The following NAV2 variants were observed in gnomAD, a reference collection of about 807,000 sequenced individuals.
NAV2 encodes neuron navigator 2.
A neutral mutation model predicts 223.2 loss-of-function variants in NAV2; 54 were observed. That is an observed-to-expected ratio of 0.24 (90% CI 0.19 to 0.30). The LOEUF is 0.30. Among genes scored for constraint, NAV2 ranks in the 10% least tolerant of loss-of-function variants. The pLI is 1.00. For synonymous variants in NAV2, 1,279 were observed against 1,239.3 expected (o/e 1.03, Z -0.67); for missense variants, 2,806 against 3,147.5 (o/e 0.89, Z 2.60).
At chr11:19,669,459 T>C (rs2048517096) in intron 1 of NAV2, among the ~76,000 whole-genome samples, 2 of 152,258 alleles carry the variant, frequency 1.3e-5, no homozygotes, top group Non-Finnish European at 2.9e-5. Flanking sequence ...GAAGTGTGGA[T>C]GACAATAGCA....
At chr11:19,356,739 C>T (rs956370436) in intron 1 of NAV2, among the ~76,000 whole-genome samples, 16 of 152,138 alleles carry the variant, frequency 1.1e-4, no homozygotes, top group Non-Finnish European at 1.3e-4. Flanking sequence ...ATTCATGAAA[C>T]CTTAACCCCC....
chr11:19,992,039 C>CT (rs1420130236), intron 11 of NAV2, among the ~76,000 whole-genome samples: 1 of 152,224 alleles, frequency 6.6e-6, no homozygotes, highest in African/African-American at 2.4e-5. Context: ...TGAGAAGATG[C>CT]TTCCAGCACA....
At chr11:20,081,569 A>T (rs1565015223) in intron 25 of NAV2, among the ~76,000 whole-genome samples, 1 of 152,134 alleles carries the variant, frequency 6.6e-6, no homozygotes, top group Non-Finnish European at 1.5e-5. Context: ...AGAGGCAAGG[A>T]TTTCAGGTGA....
chr11:19,535,080 AT>A (rs141516208), intron 1 of NAV2, among the ~76,000 whole-genome samples: 2,364 of 152,142 alleles, frequency 0.016, 72 homozygotes, highest in African/African-American at 0.054. Flanking sequence ...GCCAGTAGAG[AT>A]TTTCCAAGCA....
chr11:19,773,627 A>C lies in NAV2; in HGVS notation c.268-58857A>C, dbSNP rs562225637. Among the ~76,000 whole-genome samples, 4 of 152,306 alleles carry C rather than the reference A, an allele frequency of 2.6e-5. No homozygotes were observed. In the East Asian group the frequency reaches 7.7e-4, roughly 29 times the overall value. ...GTGGAAGATTATGGAAATAGGAGGA[A>C]GGAGAAAGGTGGTAGGAGGGGTTTG... On this transcript the variant is annotated intron_variant, in intron 1 of 37. Transcript: ENST00000349880.
chr11:19,845,703 C>G (rs1397798262), intron 3 of NAV2, among the ~76,000 whole-genome samples: 2 of 152,212 alleles, frequency 1.3e-5, no homozygotes, highest in African/African-American at 2.4e-5. Flanking sequence ...TCCTAACCCA[C>G]TAGGCTGCCC....
At chr11:19,911,030 C>T (rs1017331810) in intron 6 of NAV2, among the ~76,000 whole-genome samples, 24 of 140,790 alleles carry the variant, frequency 1.7e-4, no homozygotes, top group Non-Finnish European at 3.1e-4. Flanking sequence ...TTTGCAAGCA[C>T]ATTTTTTTTT....
upstream of NAV2, among the ~76,000 whole-genome samples, chr11:19,349,400 A>G (rs889572781): frequency 1.3e-5 from 2 of 151,954 alleles, no homozygotes; most frequent in African/African-American, 4.8e-5. Flanking sequence ...CTGCTTTGGC[A>G]CTGAGCTGTG....
intron 4 of NAV2, among the ~76,000 whole-genome samples, chr11:19,873,162 C>T (rs1385197383): frequency 1.3e-5 from 2 of 152,206 alleles, no homozygotes; most frequent in Admixed American, 6.5e-5. Context: ...GCAAATGTTT[C>T]CTGGGCACAT....
rs139491309 is a variant in NAV2 at position 20,069,086 on chromosome 11, G to T, written c.4983+688G>T. ...TCACTCTTGGTGGGGGATGAAAAAGGGGACAGCTCATCTGATATTGAAAAT... is the reference window on the plus strand; with the variant it reads ...TCACTCTTGGTGGGGGATGAAAAAGTGGACAGCTCATCTGATATTGAAAAT... On this transcript the variant is annotated intron_variant, in intron 22 of 37. Coordinates refer to ENST00000349880, the MANE Select transcript of NAV2 (RefSeq NM_145117.5). Among the ~76,000 whole-genome samples the T allele has an allele frequency of 2.7e-3, 411 of 152,112 alleles. 1 individual carries two copies. Among genetic ancestry groups the T allele is most frequent in the African/African-American group, 9.5e-3 (394 of 41,504 alleles).
intron 1 of NAV2, among the ~76,000 whole-genome samples, chr11:19,812,810 G>T (rs779405895): frequency 6.6e-6 from 1 of 152,004 alleles, no homozygotes; most frequent in Non-Finnish European, 1.5e-5. Flanking sequence ...TTTTTCCATC[G>T]CCTTTCTATA....
chr11:19,596,078 C>T (rs1281652966), intron 1 of NAV2, among the ~76,000 whole-genome samples: 2 of 152,222 alleles, frequency 1.3e-5, no homozygotes, highest in Non-Finnish European at 2.9e-5. Context: ...AAATTGTTTT[C>T]ATAACCCAGT....
At chr11:19,781,313 A>G (rs1359068892) in intron 1 of NAV2, among the ~76,000 whole-genome samples, 4 of 152,164 alleles carry the variant, frequency 2.6e-5, no homozygotes, top group Non-Finnish European at 5.9e-5. Flanking sequence ...GCCTGTGCTC[A>G]CTGCTGCAGT....
chr11:20,072,865 A>G (rs1036919956), intron 22 of NAV2, among the ~76,000 whole-genome samples: 1 of 152,210 alleles, frequency 6.6e-6, no homozygotes, highest in Non-Finnish European at 1.5e-5. Context: ...TAAACATACA[A>G]TCATGTTATC....
intron 4 of NAV2, among the ~76,000 whole-genome samples, chr11:19,870,652 C>CAAGTACCA (rs2153053911): frequency 6.6e-6 from 1 of 152,328 alleles, no homozygotes; most frequent in East Asian, 1.9e-4. Flanking sequence ...GTTGAAAGAA[C>CAAGTACCA]AAGTACCAAT....
intron 1 of NAV2, among the ~76,000 whole-genome samples, chr11:19,785,847 AT>A (rs2057076101): frequency 6.6e-6 from 1 of 152,158 alleles, no homozygotes; most frequent in African/African-American, 2.4e-5. Context: ...GAATAAATAG[AT>A]TTCCAACCCC....
At chr11:19,395,362 TC>T (rs1340165248) in intron 1 of NAV2, among the ~76,000 whole-genome samples, 3 of 152,232 alleles carry the variant, frequency 2.0e-5, no homozygotes, top group Non-Finnish European at 2.9e-5. Context: ...TTTGAAGGCC[TC>T]CTTTGTGCAG....
At chr11:19,596,020 T>G (rs1294991144) in intron 1 of NAV2, among the ~76,000 whole-genome samples, 1 of 145,792 alleles carries the variant, frequency 6.9e-6, no homozygotes, top group East Asian at 1.9e-4. Context: ...AAATTTTCTG[T>G]TTTTTTTATT....
At chr11:19,815,771 A>G (rs1468779873) in intron 1 of NAV2, among the ~76,000 whole-genome samples, 1 of 152,204 alleles carries the variant, frequency 6.6e-6, no homozygotes, top group Non-Finnish European at 1.5e-5. Flanking sequence ...AATGGGGAGA[A>G]TGCAAGCTGC....
Sources: allele counts gnomAD v4.1 joint callset (sites outside exome capture counted in the v4.1 genomes callset), GRCh38; gene constraint gnomAD v4.1.1; transcripts MANE v1.5; gene names NCBI Gene and HGNC (gene_info 2026-07-23, HGNC 2026-07-21).